DPPA3: variants seen among roughly 807,000 people sequenced by gnomAD.
The protein encoded by DPPA3 is developmental pluripotency associated 3.
A neutral mutation model predicts 15.6 loss-of-function variants in DPPA3; 9 were observed. The observed-to-expected ratio is 0.58, with a 90% CI of 0.35 to 1.01. DPPA3 has a LOEUF of 1.01. Ranked by LOEUF, DPPA3 falls within the 50% of genes least tolerant of loss-of-function variation. The pLI, the probability that DPPA3 is intolerant of heterozygous loss-of-function variation, is 0.02. For missense variants in DPPA3, 148 were observed against 194.6 expected (o/e 0.76, Z 1.42); for synonymous variants, 61 against 70.9 (o/e 0.86, Z 0.70).
intron 2 of DPPA3, among the ~76,000 whole-genome samples, chr12:7,715,978 T>G (rs1864394870): frequency 6.6e-6 from 1 of 151,932 alleles, no homozygotes; most frequent in South Asian, 2.1e-4. Context: ...AAGTCCCAGC[T>G]GCTGTGGGGT....
At chr12:7,716,271 T>C in intron 3 of DPPA3, 32 bp downstream of exon 3, 1 of 1,419,926 alleles carries the variant, frequency 7.0e-7, no homozygotes. Flanking sequence ...TTATTTTCCT[T>C]TTTTTTTTTT....
chr12:7,717,507 C>T lies in DPPA3; in HGVS notation c.*430C>T, dbSNP rs1386924224. 6.5e-6 allele frequency: 1 copy of T among 154,898 alleles called. No individual in the cohort carries two copies. The highest frequency in any genetic ancestry group is 1.4e-5 in the Non-Finnish European group (1 of 70,080). 9.6% of individuals were successfully genotyped at this position (154,898 alleles called of 1,614,324 possible). ...TTTGTTATTTTTACAGTTTTCAGTA[C>T]AAAAGTGTTTATATAGAAACAATAA... is the stretch of plus-strand genomic sequence containing the variant. On this transcript the variant is annotated 3_prime_UTR_variant, in exon 4 of 4. Coordinates refer to ENST00000345088, the MANE Select transcript of DPPA3 (RefSeq NM_199286.4).
chr12:7,716,846 CTTT>C, intron 3 of DPPA3, 118 bp from the exon 4 acceptor site: 1 of 936,812 alleles, frequency 1.1e-6, no homozygotes, highest in South Asian at 1.5e-5. Context: ...CCCGTGTGTC[CTTT>C]TTTGTGTGTG....
At chr12:7,712,960 C>A (rs768601561) in intron 1 of DPPA3, among the ~76,000 whole-genome samples, 1 of 152,138 alleles carries the variant, frequency 6.6e-6, no homozygotes, top group Non-Finnish European at 1.5e-5. Context: ...AAGGGAGAGG[C>A]CGTAAACGTG....
At position 7,715,225 on chromosome 12, in the gene DPPA3, G is replaced by A. The variant is rs1003560166; in HGVS notation, c.125G>A (p.Ser42Asn). 1 of 1,613,774 alleles carries A rather than the reference G, an allele frequency of 6.2e-7. No individual in the cohort carries two copies. The highest frequency in any genetic ancestry group is 8.5e-7 in the Non-Finnish European group (1 of 1,179,804). The change falls in exon 2 of 4, where the codon AGT becomes AAT. Residue 42 changes from serine (S) to asparagine (N), a missense_variant. Ser to Asn is a conservative substitution (Grantham distance 46). Transcript: ENST00000345088. Reference sequence around the variant, plus strand: ...TCCGAGACGTTGATAAAGAACCTTAGTAACTTGACTATCAACGCTAGTAGC... The same window carrying A: ...TCCGAGACGTTGATAAAGAACCTTAATAACTTGACTATCAACGCTAGTAGC... The part of the protein sequence containing the change: ...ISSETLIKNL[S>N]NLTINASSES...
At chr12:7,714,425 C>T (rs1287208516) in intron 1 of DPPA3, among the ~76,000 whole-genome samples, 1 of 152,050 alleles carries the variant, frequency 6.6e-6, no homozygotes, top group African/African-American at 2.4e-5. Context: ...AAAATTCTCG[C>T]GTAAGTGGGA....
At position 7,711,437 on chromosome 12, in the gene DPPA3, G is replaced by C; in HGVS notation, c.-134G>C. ...GAAGCCGGACCTATAGTTTACGTCA[G>C]TTCTTTGACCATTCGTTGGAGCTCC... On this transcript the variant is annotated 5_prime_UTR_variant, in exon 1 of 4. Coordinates refer to ENST00000345088, the MANE Select transcript of DPPA3 (RefSeq NM_199286.4). 1 of 691,312 alleles carries C rather than the reference G, an allele frequency of 1.4e-6. No homozygotes were observed. The highest frequency in any genetic ancestry group is 2.4e-6 in the Non-Finnish European group (1 of 419,844). 42.8% of individuals were successfully genotyped at this position (691,312 alleles called of 1,614,324 possible).
intron 1 of DPPA3, among the ~76,000 whole-genome samples, 165 bp from the exon 2 acceptor site, chr12:7,715,018 T>A (rs1199513122): frequency 2.0e-5 from 3 of 152,102 alleles, no homozygotes; most frequent in Non-Finnish European, 2.9e-5. Flanking sequence ...GGGCTAACTT[T>A]GCGATTTTTG....
intron 2 of DPPA3, 87 bp from the exon 3 acceptor site, chr12:7,716,111 C>A: frequency 8.4e-7 from 1 of 1,195,126 alleles, no homozygotes; most frequent in South Asian, 1.4e-5. Flanking sequence ...TCAACAAATT[C>A]CCTAGCTTCT....
chr12:7,712,166 C>T (rs1415899438), intron 1 of DPPA3, among the ~76,000 whole-genome samples: 1 of 149,974 alleles, frequency 6.7e-6, no homozygotes, highest in Non-Finnish European at 1.5e-5. Flanking sequence ...CCGCCCGCCT[C>T]GGCCTCCCAA....
chr12:7,715,067 T>A, intron 1 of DPPA3, 116 bp from the exon 2 acceptor site: 3 of 1,489,740 alleles, frequency 2.0e-6, no homozygotes, highest in South Asian at 1.2e-5. Context: ...ACTGTGACCT[T>A]CCACCCTGAG....
chr12:7,712,210 C>G (rs1864353628), intron 1 of DPPA3, among the ~76,000 whole-genome samples: 1 of 151,276 alleles, frequency 6.6e-6, no homozygotes, highest in African/African-American at 2.4e-5. Flanking sequence ...CCACTGCGCC[C>G]GGCCAGTACT....
chr12:7,713,860 C>G (rs1266265861), intron 1 of DPPA3, among the ~76,000 whole-genome samples: 2 of 152,198 alleles, frequency 1.3e-5, no homozygotes, highest in African/African-American at 4.8e-5. Context: ...GTGAACAAAG[C>G]TAGCTCAGGG....
At chr12:7,714,676 C>T (rs1009587804) in intron 1 of DPPA3, among the ~76,000 whole-genome samples, 3 of 145,938 alleles carry the variant, frequency 2.1e-5, no homozygotes, top group Admixed American at 2.0e-4. Flanking sequence ...CACCACCACG[C>T]CTGGCTAATT....
chr12:7,712,802 G>A (rs995275458), intron 1 of DPPA3, among the ~76,000 whole-genome samples: 1 of 152,070 alleles, frequency 6.6e-6, no homozygotes, highest in Non-Finnish European at 1.5e-5. Flanking sequence ...GCCCAGGCTG[G>A]TATCGAACAC....
In DPPA3 at chr12:7,716,202, AAAG is replaced by A. The variant is rs762322563; in HGVS notation, c.337_339del (p.Arg113del). The stretch of plus-strand genomic sequence containing the variant: ...ACATATTTTTTTCCCATGAAGCATG[AAAG>A]AAGACCAACAAACAAGGAGCCTAAG... On this transcript the variant is annotated inframe_deletion, in exon 3 of 4. Transcript: ENST00000345088. 9 of 1,605,908 alleles carry A rather than the reference AAAG, an allele frequency of 5.6e-6. No individual in the cohort carries two copies. Among genetic ancestry groups the A allele is most frequent in the Non-Finnish European group, 6.8e-6 (8 of 1,175,846 alleles).
At position 7,716,950 on chromosome 12, in the gene DPPA3, T is replaced by C. The variant is rs1178756693; in HGVS notation, c.370-17T>C. ...GGTACAATATTCCAATTAATCCATT[T>C]CATCATTTTTTTTCAGAAGGAATCA... On this transcript the variant is annotated splice_polypyrimidine_tract_variant and intron_variant, in intron 3 of 3. Coordinates refer to ENST00000345088, the MANE Select transcript of DPPA3 (RefSeq NM_199286.4). 1 of 1,593,652 alleles carries C rather than the reference T, an allele frequency of 6.3e-7. No homozygotes were observed. Among genetic ancestry groups the C allele is most frequent in the Admixed American group, 1.7e-5 (1 of 59,886 alleles).
chr12:7,714,394 G>A (rs1325503941), intron 1 of DPPA3, among the ~76,000 whole-genome samples: 1 of 150,772 alleles, frequency 6.6e-6, no homozygotes, highest in Non-Finnish European at 1.5e-5. Flanking sequence ...TGGGGATTTC[G>A]AATTTTGTGA....
At position 7,716,222 on chromosome 12, in the gene DPPA3, G is replaced by A; in HGVS notation, c.352G>A (p.Glu118Lys). ...GCATGAAAGAAGACCAACAAACAAGGAGCCTAAGGGAGTTAAGGTAAGTAT... is the reference window on the plus strand; with the variant it reads ...GCATGAAAGAAGACCAACAAACAAGAAGCCTAAGGGAGTTAAGGTAAGTAT... ...RTHERRPTNKEPKGVKKESRP... is the reference protein window; with the variant it reads ...RTHERRPTNKKPKGVKKESRP... Residue 118 changes from glutamate to lysine, a missense_variant, in exon 3 of 4, where the codon GAG (glutamate) becomes AAG (lysine). Physicochemically the swap from Glu to Lys is moderately conservative, Grantham distance 56. Coordinates refer to ENST00000345088, the MANE Select transcript of DPPA3 (RefSeq NM_199286.4). 6.2e-7 allele frequency: 1 copy of A among 1,601,692 alleles called. No individual in the cohort carries two copies. Among genetic ancestry groups the A allele is most frequent in the Non-Finnish European group, 8.5e-7 (1 of 1,175,022 alleles).
Sources: gnomAD v4.1 joint callset for allele counts (sites outside exome capture counted in the v4.1 genomes callset) on GRCh38, gnomAD v4.1.1 for gene constraint, MANE v1.5 for transcripts, NCBI Gene and HGNC (gene_info 2026-07-23, HGNC 2026-07-21) for gene names.